Variants in GLMN observed in about 807,000 individuals in gnomAD.
The protein encoded by GLMN is glomulin, FKBP associated protein, also known as glomulin.
GLMN carries 75 observed loss-of-function variants against 87.8 expected under a neutral mutation model. The observed-to-expected ratio is 0.85, with a 90% CI of 0.71 to 1.04. The LOEUF is 1.04. GLMN is among the 50% of genes least tolerant of loss of function. The pLI is 0.00. For synonymous variants in GLMN, 206 were observed against 221.6 expected (o/e 0.93, Z 0.63); for missense variants, 588 against 658.8 (o/e 0.89, Z 1.18).
At chr1:92,280,800 C>T (rs1022287170) in intron 7 of GLMN, among the ~76,000 whole-genome samples, 1 of 152,150 alleles carries the variant, frequency 6.6e-6, no homozygotes, top group Non-Finnish European at 1.5e-5. Context: ...AAAACCATGG[C>T]ACGAGAACTT....
At position 92,246,454 on chromosome 1, in the gene GLMN, T is replaced by C; in HGVS notation, c.*76A>G. On this transcript the variant is annotated 3_prime_UTR_variant, in exon 19 of 19. Transcript: ENST00000370360. ...CAAGCAGTAAATTTTTACAGAAAAA[T>C]TTTTTATAAAGGTATTAAATGAATC... 5.6e-6 allele frequency: 4 copies of C among 715,894 alleles called. No homozygotes were observed. The highest frequency in any genetic ancestry group is 4.9e-5 in the South Asian group (3 of 61,852). 44.3% of individuals were successfully genotyped at this position (715,894 alleles called of 1,614,324 possible). A position where few individuals can be genotyped will look rare whatever the true frequency, so the allele number is the denominator to read the frequency against.
chr1:92,279,901 AGG>A (rs1647789168), intron 7 of GLMN, among the ~76,000 whole-genome samples: 1 of 152,252 alleles, frequency 6.6e-6, no homozygotes. Context: ...CTAGACGGGA[AGG>A]GGTGTCCGCC....
At chr1:92,252,519 A>C (rs191836054) in intron 16 of GLMN, among the ~76,000 whole-genome samples, 57 of 152,342 alleles carry the variant, frequency 3.7e-4, no homozygotes, top group Non-Finnish European at 7.3e-4. Flanking sequence ...AATAGCCCAT[A>C]ATCATAAAAC....
chr1:92,256,934 G>A (rs1480607486), intron 16 of GLMN, among the ~76,000 whole-genome samples: 1 of 152,110 alleles, frequency 6.6e-6, no homozygotes, highest in African/African-American at 2.4e-5. Flanking sequence ...GAAATAAAGC[G>A]TATTCAAATA....
At chr1:92,262,279 A>C (rs1027444887) in intron 16 of GLMN, among the ~76,000 whole-genome samples, 5 of 152,366 alleles carry the variant, frequency 3.3e-5, no homozygotes, top group African/African-American at 1.2e-4. Flanking sequence ...AGAACAGGGT[A>C]GAAAGAGAAG....
chr1:92,302,654 T>C (rs2101100512), upstream of GLMN, among the ~76,000 whole-genome samples: 1 of 124,690 alleles, frequency 8.0e-6, no homozygotes, highest in Non-Finnish European at 1.6e-5. Context: ...CAGGCTGGAG[T>C]GCAGTGGCGG....
upstream of GLMN, chr1:92,303,979 G>A: frequency 6.3e-7 from 1 of 1,597,384 alleles, no homozygotes; most frequent in East Asian, 2.2e-5. Context: ...CATTTTAGGG[G>A]AGGTTCATTA....
intron 4 of GLMN, among the ~76,000 whole-genome samples, chr1:92,290,779 A>C (rs1649318222): frequency 6.6e-6 from 1 of 152,208 alleles, no homozygotes; most frequent in Non-Finnish European, 1.5e-5. Flanking sequence ...ATACAGATGG[A>C]GCTCTCCTTC....
At chr1:92,250,252 C>T (rs1162740414) in intron 16 of GLMN, among the ~76,000 whole-genome samples, 6 of 151,928 alleles carry the variant, frequency 3.9e-5, no homozygotes, top group African/African-American at 1.2e-4. Context: ...AAGAGGTAGC[C>T]ATTATCTAAA....
At chr1:92,357,078 GAAA>G in the GLMN span, among the ~76,000 whole-genome samples, 1 of 133,638 alleles carries the variant, frequency 7.5e-6, no homozygotes, top group African/African-American at 3.1e-5. Flanking sequence ...AAAAAAAAAA[GAAA>G]AAAAGGATTA....
intron 7 of GLMN, among the ~76,000 whole-genome samples, chr1:92,272,281 C>T (rs1380168233): frequency 6.6e-6 from 1 of 152,188 alleles, no homozygotes; most frequent in African/African-American, 2.4e-5. Flanking sequence ...TAAGCTGTGG[C>T]TGGACTCCTG....
the GLMN span, among the ~76,000 whole-genome samples, chr1:92,331,191 A>G: frequency 0.013 from 2,037 of 152,314 alleles, 46 homozygotes; most frequent in African/African-American, 0.047. Context: ...TCATATCACT[A>G]TGGAGCAACC....
chr1:92,338,329 C>T, the GLMN span, among the ~76,000 whole-genome samples: 1 of 152,192 alleles, frequency 6.6e-6, no homozygotes, highest in Admixed American at 6.5e-5. Flanking sequence ...TTGGCCTTGG[C>T]CTTTGCCAAA....
intron 16 of GLMN, chr1:92,248,375 G>A (rs1047159740): frequency 1.1e-5 from 2 of 179,594 alleles, no homozygotes; most frequent in African/African-American, 2.4e-5. Context: ...CCACACCACG[G>A]ATCTAGTTCT....
intron 16 of GLMN, 147 bp from the exon 17 acceptor site, chr1:92,248,136 A>G (rs1268369152): frequency 1.6e-6 from 1 of 608,490 alleles, no homozygotes; most frequent in East Asian, 2.8e-5. Context: ...TTATTACTAT[A>G]GCTAGTTATG....
chr1:92,247,079 G>A lies in GLMN; in HGVS notation c.1651C>T (p.Pro551Ser). ...VSGEEIPNMPPEMQLKVLHSA... is the reference protein window; with the variant it reads ...VSGEEIPNMPSEMQLKVLHSA... ...CAGATCACCTTAAGCTGCATTTCAG[G>A]AGGCATATTAGGGATCTCTTCTCCA... The change falls in exon 18 of 19, where the codon CCT becomes TCT. Residue 551 changes from proline to serine, a missense_variant. Coordinates refer to ENST00000370360, the MANE Select transcript of GLMN (RefSeq NM_053274.3). 2 of 1,544,890 alleles carry A rather than the reference G, an allele frequency of 1.3e-6. No individual in the cohort carries two copies. The highest frequency in any genetic ancestry group is 1.8e-6 in the Non-Finnish European group (2 of 1,117,906).
intron 16 of GLMN, among the ~76,000 whole-genome samples, chr1:92,257,740 ATTAAC>A (rs933445451): frequency 1.4e-4 from 21 of 152,336 alleles, no homozygotes; most frequent in African/African-American, 5.1e-4. Flanking sequence ...CTATACAAAA[ATTAAC>A]TTGACATGGA....
chr1:92,341,484 TTGAAA>T, the GLMN span, among the ~76,000 whole-genome samples: 10 of 152,264 alleles, frequency 6.6e-5, no homozygotes, highest in Non-Finnish European at 1.2e-4. Context: ...TGGAAGTACT[TTGAAA>T]TGAAATGAAA....
the GLMN span, among the ~76,000 whole-genome samples, chr1:92,352,303 C>G: frequency 6.6e-6 from 1 of 152,174 alleles, no homozygotes; most frequent in Non-Finnish European, 1.5e-5. Context: ...TCAACTTGAC[C>G]ATGATCGCTA....
Sources: gnomAD v4.1 joint callset for allele counts (sites outside exome capture counted in the v4.1 genomes callset) on GRCh38, gnomAD v4.1.1 for gene constraint, MANE v1.5 for transcripts, NCBI Gene and HGNC (gene_info 2026-07-23, HGNC 2026-07-21) for gene names.